The following TET1 variants were observed in gnomAD, a reference collection of about 807,000 sequenced individuals.
The protein encoded by TET1 is methylcytosine dioxygenase TET1.
Under a neutral mutation model 148.7 loss-of-function variants are expected in TET1, and 13 were observed. That is an observed-to-expected ratio of 0.09 (90% CI 0.06 to 0.14). TET1 has a LOEUF of 0.14. TET1 is among the 10% of genes least tolerant of loss of function. The pLI is 1.00. For synonymous variants in TET1, 907 were observed against 937.2 expected, an observed-to-expected ratio of 0.97 and a Z score of 0.59; for missense variants, 2,182 against 2,553.8, an observed-to-expected ratio of 0.85 and a Z score of 3.14.
intron 3 of TET1, among the ~76,000 whole-genome samples, chr10:68,633,560 G>A (rs567390534): frequency 6.6e-6 from 1 of 151,870 alleles, no homozygotes; most frequent in East Asian, 1.9e-4. Context: ...TTTTGTATTA[G>A]GTTAGTGCAA....
intron 3 of TET1, among the ~76,000 whole-genome samples, chr10:68,624,662 C>CTTTCTTT (rs1564975112): frequency 2.5e-5 from 2 of 81,200 alleles, no homozygotes; most frequent in African/African-American, 9.3e-5. Flanking sequence ...CTTTCTTTCT[C>CTTTCTTT]TCTCTCTCTC....
At chr10:68,683,241 T>C (rs552819920) in intron 10 of TET1, among the ~76,000 whole-genome samples, 11 of 152,288 alleles carry the variant, frequency 7.2e-5, no homozygotes, top group African/African-American at 2.4e-4. Flanking sequence ...AATTGTTGTG[T>C]TTTTGCTGGG....
At chr10:68,584,824 T>A (rs2053842789) in intron 2 of TET1, among the ~76,000 whole-genome samples, 1 of 145,824 alleles carries the variant, frequency 6.9e-6, no homozygotes, top group Admixed American at 6.9e-5. Context: ...TCTACACATA[T>A]CTCTTTTTTT....
At chr10:68,568,341 G>A (rs1465648626) in intron 1 of TET1, among the ~76,000 whole-genome samples, 1 of 149,442 alleles carries the variant, frequency 6.7e-6, no homozygotes, top group Non-Finnish European at 1.5e-5. Flanking sequence ...TCATGCCTCA[G>A]CCTCCCGAGT....
chr10:68,643,261 C>CAAAAAAA (rs59820865), intron 3 of TET1, among the ~76,000 whole-genome samples: 1 of 91,820 alleles, frequency 1.1e-5, no homozygotes, highest in African/African-American at 4.8e-5. Context: ...GACCCTGTCT[C>CAAAAAAA]AAAAAAAAAA....
At position 68,573,290 on chromosome 10, in the gene TET1, G is replaced by A. The variant is rs142945297; in HGVS notation, c.952G>A (p.Gly318Ser). 6.8e-5 allele frequency: 109 copies of A among 1,613,880 alleles called. No individual in the cohort carries two copies. Among genetic ancestry groups the A allele is most frequent in the African/African-American group, 2.0e-4 (15 of 74,872 alleles). ...DLNLRNCLAL[G>S]GSTSPTSVIK... ...GAACCTTAGAAACTGCTTGGCTCTT[G>A]GTGGGTCTACGTCTCCTACCTCTGT... Residue 318 changes from glycine (G) to serine (S), a missense_variant, in exon 2 of 12, where the codon GGT (glycine) becomes AGT (serine). Gly to Ser is a moderately conservative substitution (Grantham distance 56). Transcript: ENST00000373644.
At chr10:68,583,889 G>A (rs770693678) in intron 2 of TET1, among the ~76,000 whole-genome samples, 4 of 151,576 alleles carry the variant, frequency 2.6e-5, no homozygotes, top group Non-Finnish European at 5.9e-5. Context: ...CCAGTCTGGC[G>A]ACAGAGACTC....
At chr10:68,658,834 C>G (rs924099543) in intron 6 of TET1, among the ~76,000 whole-genome samples, 1 of 151,910 alleles carries the variant, frequency 6.6e-6, no homozygotes, top group Non-Finnish European at 1.5e-5. Flanking sequence ...TGCCACTGCC[C>G]TCCAGCCTGG....
chr10:68,638,653 G>A (rs994491114), intron 3 of TET1, among the ~76,000 whole-genome samples: 8 of 152,152 alleles, frequency 5.3e-5, no homozygotes, highest in African/African-American at 1.9e-4. Flanking sequence ...TCAATGAACA[G>A]ACTTCGAAAG....
At chr10:68,666,067 G>A (rs1250894180) in intron 6 of TET1, among the ~76,000 whole-genome samples, 2 of 151,948 alleles carry the variant, frequency 1.3e-5, no homozygotes, top group South Asian at 2.1e-4. Context: ...TTTGATACAT[G>A]GAGGCAGTTT....
rs2054047898 is a variant in TET1 at position 68,600,990 on chromosome 10, G to A, written c.1924G>A (p.Glu642Lys). The change falls in exon 3 of 12, where the codon GAA becomes AAA. Residue 642 changes from glutamate (E) to lysine (K), a missense_variant. Coordinates refer to ENST00000373644, the MANE Select transcript of TET1 (RefSeq NM_030625.3). The stretch of plus-strand genomic sequence containing the variant: ...ATTTGATTTTTTTTAGGTTATAAAG[G>A]AAAACAAGAGGCCCCAGAGGGAAAA... ...SVVVPLEVIKENKRPQREKKP... is the reference protein window; with the variant it reads ...SVVVPLEVIKKNKRPQREKKP... 1.2e-6 allele frequency: 2 copies of A among 1,604,194 alleles called. No homozygotes were observed. Among genetic ancestry groups the A allele is most frequent in the Non-Finnish European group, 1.7e-6 (2 of 1,177,958 alleles).
intron 2 of TET1, among the ~76,000 whole-genome samples, chr10:68,598,434 C>T (rs1355974167): frequency 2.6e-5 from 4 of 152,022 alleles, no homozygotes; most frequent in African/African-American, 4.8e-5. Flanking sequence ...TATTTCATCA[C>T]AATTTAAAAA....
chr10:68,606,341 T>A (rs2054124195), intron 3 of TET1, among the ~76,000 whole-genome samples: 1 of 152,220 alleles, frequency 6.6e-6, no homozygotes, highest in African/African-American at 2.4e-5. Context: ...CACTCCAGCC[T>A]GGGCGACAGA....
intron 8 of TET1, among the ~76,000 whole-genome samples, chr10:68,680,054 AT>A (rs35378589): frequency 0.11 from 16,042 of 152,100 alleles, 1,062 homozygotes; most frequent in South Asian, 0.18. Flanking sequence ...GATCCTATGG[AT>A]TTTTTTTGTG....
chr10:68,643,397 A>C (rs541078591), intron 3 of TET1, among the ~76,000 whole-genome samples: 1 of 152,208 alleles, frequency 6.6e-6, no homozygotes, highest in Non-Finnish European at 1.5e-5. Flanking sequence ...TAATCAGTGA[A>C]CTTACTATAC....
intron 2 of TET1, among the ~76,000 whole-genome samples, chr10:68,590,028 C>G (rs1329622087): frequency 2.0e-5 from 3 of 152,142 alleles, no homozygotes; most frequent in Non-Finnish European, 4.4e-5. Flanking sequence ...TACGTGTACA[C>G]TGTTTTCTTA....
chr10:68,564,914 C>T (rs776606044), intron 1 of TET1, among the ~76,000 whole-genome samples: 1 of 151,842 alleles, frequency 6.6e-6, no homozygotes, highest in Admixed American at 6.6e-5. Flanking sequence ...TTCCCGCTAC[C>T]GCGGTGGCTG....
At chr10:68,581,197 G>T (rs1158120875) in intron 2 of TET1, among the ~76,000 whole-genome samples, 1 of 152,104 alleles carries the variant, frequency 6.6e-6, no homozygotes, top group East Asian at 1.9e-4. Context: ...CTTCTGAGAG[G>T]TATCTTTTGG....
intron 1 of TET1, among the ~76,000 whole-genome samples, chr10:68,569,926 G>T (rs2053648423): frequency 6.6e-6 from 1 of 152,032 alleles, no homozygotes; most frequent in Non-Finnish European, 1.5e-5. Context: ...GCTTTATAGT[G>T]AATCTAAGGT....
Sources: gnomAD v4.1 joint callset for allele counts (sites outside exome capture counted in the v4.1 genomes callset) on GRCh38, gnomAD v4.1.1 for gene constraint, MANE v1.5 for transcripts, NCBI Gene and HGNC (gene_info 2026-07-23, HGNC 2026-07-21) for gene names.